KCND2: variants seen among roughly 807,000 people sequenced by gnomAD.
The protein encoded by KCND2 is A-type voltage-gated potassium channel KCND2.
A neutral mutation model predicts 54.4 loss-of-function variants in KCND2; 16 were observed. That is an observed-to-expected ratio of 0.29 (90% CI 0.20 to 0.45). The LOEUF is 0.45. Among genes scored for constraint, KCND2 ranks in the 20% least tolerant of loss-of-function variants. The pLI, the probability that KCND2 is intolerant of heterozygous loss-of-function variation, is 1.00. For synonymous variants in KCND2, 317 were observed against 310.7 expected, an observed-to-expected ratio of 1.02 and a Z score of -0.21; for missense variants, 486 against 824.2, an observed-to-expected ratio of 0.59 and a Z score of 5.02.
chr7:120,320,866 G>A (rs954107826), intron 1 of KCND2, among the ~76,000 whole-genome samples: 3 of 152,124 alleles, frequency 2.0e-5, no homozygotes, highest in African/African-American at 7.2e-5. Flanking sequence ...CAAGTTTATT[G>A]GAGAAGATAA....
chr7:120,369,779 A>G (rs1800740666), intron 1 of KCND2, among the ~76,000 whole-genome samples: 1 of 152,024 alleles, frequency 6.6e-6, no homozygotes. Flanking sequence ...TCAGACAACA[A>G]TATTTATTTA....
rs535113362 is a variant in KCND2, at chr7:120,623,650, A to T, written c.1116-109253A>T. On this transcript the variant is annotated intron_variant, in intron 1 of 5. Transcript: ENST00000331113. The stretch of plus-strand genomic sequence containing the variant: ...CTTAGCACAATGCCTTACATTTGAG[A>T]GATAGTCAATAATATTTATTTGATT... 5.3e-5 allele frequency among the ~76,000 whole-genome samples: 8 copies of T among 152,348 alleles called. No individual in the cohort carries two copies. In the East Asian group the frequency reaches 1.5e-3, roughly 29 times the overall value.
At chr7:120,299,241 TA>T (rs1309561442) in intron 1 of KCND2, among the ~76,000 whole-genome samples, 1 of 152,322 alleles carries the variant, frequency 6.6e-6, no homozygotes, top group East Asian at 1.9e-4. Context: ...ATTTTCTTAC[TA>T]CCACTTTTTA....
At chr7:120,278,410 C>T (rs531577300) in intron 1 of KCND2, among the ~76,000 whole-genome samples, 58 of 151,792 alleles carry the variant, frequency 3.8e-4, no homozygotes, top group African/African-American at 1.2e-3. Context: ...GTTATCTGAG[C>T]TCTTTTTATG....
At chr7:120,285,273 A>G (rs1240038105) in intron 1 of KCND2, among the ~76,000 whole-genome samples, 1 of 152,088 alleles carries the variant, frequency 6.6e-6, no homozygotes, top group Non-Finnish European at 1.5e-5. Context: ...ATCATAGCCA[A>G]TAATATGGAA....
intron 1 of KCND2, among the ~76,000 whole-genome samples, chr7:120,494,142 T>C (rs1802820096): frequency 6.6e-6 from 1 of 152,072 alleles, no homozygotes; most frequent in South Asian, 2.1e-4. Flanking sequence ...AAATAATAAG[T>C]AAAGCAAAGC....
chr7:120,470,766 C>T (rs994833886), intron 1 of KCND2, among the ~76,000 whole-genome samples: 3 of 151,760 alleles, frequency 2.0e-5, no homozygotes, highest in African/African-American at 4.8e-5. Context: ...GGATGGATCT[C>T]ATGGAAACTC....
intron 1 of KCND2, among the ~76,000 whole-genome samples, chr7:120,621,758 A>G (rs1008541299): frequency 4.0e-4 from 61 of 152,312 alleles, no homozygotes; most frequent in African/African-American, 1.3e-3. Context: ...AGTAACAAGA[A>G]GAGGAAACAT....
At chr7:120,409,054 G>A (rs557901963) in intron 1 of KCND2, among the ~76,000 whole-genome samples, 1 of 152,034 alleles carries the variant, frequency 6.6e-6, no homozygotes, top group East Asian at 1.9e-4. Context: ...TTCTATGTAA[G>A]TCTCAGGGTC....
chr7:120,444,272 C>G (rs758976928), intron 1 of KCND2, among the ~76,000 whole-genome samples: 2 of 152,102 alleles, frequency 1.3e-5, no homozygotes, highest in Non-Finnish European at 2.9e-5. Context: ...ACACCTCCCT[C>G]CCTCTACCAT....
chr7:120,566,687 G>A lies in KCND2; in HGVS notation c.1116-166216G>A, dbSNP rs118167177. Among the ~76,000 whole-genome samples the A allele has an allele frequency of 7.3e-3, 1,111 of 151,990 alleles. 11 individuals carry two copies. The highest frequency in any genetic ancestry group is 0.01 in the Non-Finnish European group (699 of 67,996). On this transcript the variant is annotated intron_variant, in intron 1 of 5. Transcript: ENST00000331113. ...TCCCATTACTATTTTTGTAAGGGTC[G>A]CTAAGGCTCAGAACAGTTAAATAAA...
chr7:120,589,427 G>A (rs1333118301), intron 1 of KCND2, among the ~76,000 whole-genome samples: 1 of 151,376 alleles, frequency 6.6e-6, no homozygotes, highest in East Asian at 1.9e-4. Flanking sequence ...AGGTGTAGAT[G>A]TTTTTTAAAC....
At chr7:120,683,350 A>T (rs1422308657) in intron 1 of KCND2, among the ~76,000 whole-genome samples, 1 of 152,166 alleles carries the variant, frequency 6.6e-6, no homozygotes, top group African/African-American at 2.4e-5. Flanking sequence ...TGCAATAGTA[A>T]TGATGAGTAT....
At chr7:120,591,686 T>C (rs1056847886) in intron 1 of KCND2, among the ~76,000 whole-genome samples, 1 of 152,218 alleles carries the variant, frequency 6.6e-6, no homozygotes. Flanking sequence ...CCATTCAGTC[T>C]CCTTTTACTA....
chr7:120,465,527 A>G (rs927043760), intron 1 of KCND2, among the ~76,000 whole-genome samples: 3 of 152,168 alleles, frequency 2.0e-5, no homozygotes, highest in Admixed American at 1.3e-4. Flanking sequence ...ACAAAGATCA[A>G]AGACATGAAG....
At chr7:120,395,608 G>A (rs1801142883) in intron 1 of KCND2, among the ~76,000 whole-genome samples, 1 of 151,986 alleles carries the variant, frequency 6.6e-6, no homozygotes, top group South Asian at 2.1e-4. Flanking sequence ...GTGTGCCAGG[G>A]CTGTTGGCAC....
At chr7:120,617,663 T>G (rs1793045399) in intron 1 of KCND2, among the ~76,000 whole-genome samples, 1 of 152,150 alleles carries the variant, frequency 6.6e-6, no homozygotes, top group Non-Finnish European at 1.5e-5. Context: ...CAAAGGAATA[T>G]AAGTCATCCT....
chr7:120,341,734 A>T (rs1800242318), intron 1 of KCND2, among the ~76,000 whole-genome samples: 1 of 152,194 alleles, frequency 6.6e-6, no homozygotes, highest in Non-Finnish European at 1.5e-5. Context: ...GAAGGATATC[A>T]TATATGTGTT....
At chr7:120,347,045 T>A (rs1800329426) in intron 1 of KCND2, among the ~76,000 whole-genome samples, 1 of 152,186 alleles carries the variant, frequency 6.6e-6, no homozygotes, top group Non-Finnish European at 1.5e-5. Context: ...ATGGCTCTTT[T>A]TTTTTTGTTC....
Sources: allele counts gnomAD v4.1 joint callset (sites outside exome capture counted in the v4.1 genomes callset), GRCh38; gene constraint gnomAD v4.1.1; transcripts MANE v1.5; gene names NCBI Gene and HGNC (gene_info 2026-07-23, HGNC 2026-07-21).